CAMTA1: variants seen among roughly 807,000 people sequenced by gnomAD.
The protein encoded by CAMTA1 is calmodulin binding transcription activator 1.
CAMTA1 carries 27 observed loss-of-function variants against 170.9 expected under a neutral mutation model. That is an observed-to-expected ratio of 0.16 (90% CI 0.12 to 0.22). The LOEUF (loss-of-function observed/expected upper bound fraction) is 0.22, where lower values mean the gene tolerates loss of function less well. Ranked by LOEUF, CAMTA1 falls within the 10% of genes least tolerant of loss-of-function variation. CAMTA1 has a pLI of 1.00. For synonymous variants in CAMTA1, 833 were observed against 891.5 expected (o/e 0.93, Z 1.17); for missense variants, 1,619 against 2,217.2 (o/e 0.73, Z 5.42).
rs1401634466 is a variant in CAMTA1, at chr1:7,310,698, CTCTCTT to C, written c.438+61076_438+61081del. 2.4e-3 allele frequency among the ~76,000 whole-genome samples: 127 copies of C among 52,634 alleles called. 1 individual carries two copies. Among genetic ancestry groups the C allele is most frequent in the East Asian group, 5.2e-3 (13 of 2,516 alleles). 34.5% of individuals were successfully genotyped at this position (52,634 alleles called of 152,430 possible). A position where few individuals can be genotyped will look rare whatever the true frequency, so the allele number is the denominator to read the frequency against. ...TTTCTTTCTCTCTCTCTCTCTCTCTCTCTCTTTCTTTCTTTCTTTCTTTCTTTCTTT... is the reference window on the plus strand; with the variant it reads ...TTTCTTTCTCTCTCTCTCTCTCTCTCTCTTTCTTTCTTTCTTTCTTTCTTT... On this transcript the variant is annotated intron_variant, in intron 5 of 22. Coordinates refer to ENST00000303635, the MANE Select transcript of CAMTA1 (RefSeq NM_015215.4).
At chr1:7,590,391 A>G (rs890897591) in intron 6 of CAMTA1, among the ~76,000 whole-genome samples, 1 of 152,118 alleles carries the variant, frequency 6.6e-6, no homozygotes, top group Non-Finnish European at 1.5e-5. Context: ...GGCAGTTTGG[A>G]TGAGTACTGG....
At chr1:7,409,202 T>A (rs2090524161) in intron 5 of CAMTA1, among the ~76,000 whole-genome samples, 1 of 152,182 alleles carries the variant, frequency 6.6e-6, no homozygotes, top group South Asian at 2.1e-4. Flanking sequence ...TGGACTTCCG[T>A]CATCTACTAG....
At chr1:7,638,403 G>T (rs912877471) in intron 6 of CAMTA1, among the ~76,000 whole-genome samples, 2 of 152,204 alleles carry the variant, frequency 1.3e-5, no homozygotes, top group South Asian at 2.1e-4. Context: ...CAGTTTGGGA[G>T]GCCGAGGAAG....
intron 10 of CAMTA1, among the ~76,000 whole-genome samples, chr1:7,676,192 G>A (rs548561877): frequency 1.1e-4 from 16 of 152,346 alleles, no homozygotes; most frequent in Middle Eastern, 3.4e-3. Flanking sequence ...TTGGAGACCC[G>A]CCCAGGGATG....
chr1:7,420,675 A>G (rs146277299), intron 5 of CAMTA1, among the ~76,000 whole-genome samples: 1 of 152,286 alleles, frequency 6.6e-6, no homozygotes, highest in East Asian at 1.9e-4. Context: ...CCATGCGTAT[A>G]ACCTCCCAGT....
chr1:6,887,599 TAAAAAC>T lies in CAMTA1; in HGVS notation c.234+62391_234+62396del. The T allele has an allele frequency of 5.2e-6, 8 of 1,525,712 alleles. No individual in the cohort carries two copies. Among genetic ancestry groups the T allele is most frequent in the Non-Finnish European group, 7.0e-6 (8 of 1,142,098 alleles). The allele number at this position is 1,525,712 out of a possible 1,614,324, so 94.5% of individuals were successfully genotyped here. A position where few individuals can be genotyped will look rare whatever the true frequency, so the allele number is the denominator to read the frequency against. Reference sequence around the variant, plus strand: ...GAAATGGGGCAAATTTTTCTTCAGTTAAAAACAGAAATAGAAGCGACGGTTTTGACC... The same window carrying T: ...GAAATGGGGCAAATTTTTCTTCAGTTAGAAATAGAAGCGACGGTTTTGACC... On this transcript the variant is annotated intron_variant, in intron 3 of 22. Transcript: ENST00000303635. The surrounding 1 kb of genome is among the most constrained non-coding windows in gnomAD (Gnocchi z 4.1).
At chr1:7,347,497 G>A (rs929307912) in intron 5 of CAMTA1, among the ~76,000 whole-genome samples, 2 of 152,180 alleles carry the variant, frequency 1.3e-5, no homozygotes, top group Non-Finnish European at 2.9e-5. Context: ...TTTTGAAGAC[G>A]TTCTCCTCGC....
At chr1:7,552,284 A>G (rs2094813756) in intron 6 of CAMTA1, among the ~76,000 whole-genome samples, 1 of 152,350 alleles carries the variant, frequency 6.6e-6, no homozygotes, top group South Asian at 2.1e-4. Context: ...GTCCCAGAAC[A>G]GGACCTCTGA....
chr1:7,153,344 T>C (rs1164185424), intron 4 of CAMTA1, among the ~76,000 whole-genome samples: 1 of 152,042 alleles, frequency 6.6e-6, no homozygotes, highest in South Asian at 2.1e-4. Context: ...AAACATTGGA[T>C]TGGAAACATT....
chr1:7,545,196 A>C (rs1382344450), intron 6 of CAMTA1, among the ~76,000 whole-genome samples: 1 of 152,182 alleles, frequency 6.6e-6, no homozygotes, highest in Admixed American at 6.5e-5. Context: ...TAAATCTTGA[A>C]ACAATCAGAC....
chr1:6,918,168 G>A lies in CAMTA1; in HGVS notation c.234+92958G>A, dbSNP rs1318424688. ...TTATGCAATTATTCCTAAATGGAGTGCATGTCAGCAGCCCTGGCACTGAAA... is the reference window on the plus strand; with the variant it reads ...TTATGCAATTATTCCTAAATGGAGTACATGTCAGCAGCCCTGGCACTGAAA... On this transcript the variant is annotated intron_variant, in intron 3 of 22. Transcript: ENST00000303635. This position sits in a 1 kb window ranked among gnomAD's most constrained non-coding sequence, Gnocchi z 4.0. Among the ~76,000 whole-genome samples, 1 of 152,216 alleles carries A rather than the reference G, an allele frequency of 6.6e-6. No homozygotes were observed. The highest frequency in any genetic ancestry group is 1.5e-5 in the Non-Finnish European group (1 of 68,040).
At chr1:7,020,226 A>AC (rs1407505882) in intron 3 of CAMTA1, among the ~76,000 whole-genome samples, 2 of 152,258 alleles carry the variant, frequency 1.3e-5, no homozygotes, top group African/African-American at 4.8e-5. Flanking sequence ...GTTTTGGTCA[A>AC]CAACTGATTG....
intron 3 of CAMTA1, among the ~76,000 whole-genome samples, chr1:6,959,185 A>G (rs1353892950): frequency 6.6e-6 from 1 of 152,150 alleles, no homozygotes; most frequent in South Asian, 2.1e-4. Flanking sequence ...AATTATATAG[A>G]TATCCAGGGG....
At chr1:7,713,308 G>C (rs1273462533) in intron 11 of CAMTA1, among the ~76,000 whole-genome samples, 1 of 152,146 alleles carries the variant, frequency 6.6e-6, no homozygotes, top group Non-Finnish European at 1.5e-5. Context: ...GAAAGAGGAG[G>C]AAGAGTATGG....
At chr1:7,517,004 C>G (rs2094296068) in intron 6 of CAMTA1, among the ~76,000 whole-genome samples, 1 of 152,104 alleles carries the variant, frequency 6.6e-6, no homozygotes, top group Non-Finnish European at 1.5e-5. Context: ...AAGATAGTAA[C>G]TCTTCAGATT....
intron 6 of CAMTA1, among the ~76,000 whole-genome samples, chr1:7,493,500 TACAA>T (rs1402308606): frequency 6.6e-6 from 1 of 151,260 alleles, no homozygotes; most frequent in African/African-American, 2.4e-5. Context: ...CACATAACCA[TACAA>T]ACACACACAC....
At chr1:7,614,663 TTTCG>T (rs1558005889) in intron 6 of CAMTA1, among the ~76,000 whole-genome samples, 1 of 152,072 alleles carries the variant, frequency 6.6e-6, no homozygotes, top group Non-Finnish European at 1.5e-5. Context: ...CAGTAACAAA[TTTCG>T]AGAACCTATA....
At chr1:7,749,113 A>G (rs1427159005) in intron 19 of CAMTA1, among the ~76,000 whole-genome samples, 3 of 152,216 alleles carry the variant, frequency 2.0e-5, no homozygotes, top group Non-Finnish European at 4.4e-5. Context: ...CAGGCCTGTC[A>G]GTAGATTCGA....
intron 6 of CAMTA1, among the ~76,000 whole-genome samples, chr1:7,508,573 C>T (rs965629611): frequency 1.3e-5 from 2 of 152,174 alleles, no homozygotes; most frequent in Non-Finnish European, 2.9e-5. Context: ...CTCTGTGCCC[C>T]CAGCACCCAG....
Sources: allele counts gnomAD v4.1 joint callset (sites outside exome capture counted in the v4.1 genomes callset), GRCh38; gene constraint gnomAD v4.1.1; non-coding constraint Gnocchi (gnomAD v3.1); transcripts MANE v1.5; gene names NCBI Gene and HGNC (gene_info 2026-07-23, HGNC 2026-07-21).